The following NBEAL1 variants were observed in gnomAD, a reference collection of about 807,000 sequenced individuals.
NBEAL1 encodes the protein neurobeachin like 1, also known as neurobeachin-like protein 1.
NBEAL1 carries 273 observed loss-of-function variants against 351.3 expected under a neutral mutation model. The observed-to-expected ratio is 0.78, with a 90% CI of 0.70 to 0.86. The LOEUF is 0.86. Among genes scored for constraint, NBEAL1 ranks in the 40% least tolerant of loss-of-function variants. The pLI is 0.00. For missense variants in NBEAL1, 2,961 were observed against 3,201.3 expected (o/e 0.92, Z 1.81); for synonymous variants, 1,050 against 1,086.4 (o/e 0.97, Z 0.66).
In NBEAL1 at chr2:203,127,796, T is replaced by C. The variant is rs2062976194; in HGVS notation, c.3264T>C (p.Tyr1088=). The C allele has an allele frequency of 2.0e-6, 3 of 1,506,774 alleles. No individual in the cohort carries two copies. In the South Asian group the frequency reaches 3.6e-5, roughly 18 times the overall value. 93.3% of individuals were successfully genotyped at this position (1,506,774 alleles called of 1,614,324 possible). A position where few individuals can be genotyped will look rare whatever the true frequency, so the allele number is the denominator to read the frequency against. ...TGTCTTTCAGGAATGGTTGTAAATA[T>C]AATGAACTATCTCTAGATGATATTC... is the stretch of plus-strand genomic sequence containing the variant. The part of the protein sequence containing the change: ...LRIYYGNGCK[Y]NELSLDDIRT... The change falls in exon 24 of 56, where the codon TAT becomes TAC. Residue 1088 remains tyrosine, a synonymous_variant. Transcript: ENST00000683969.
intron 12 of NBEAL1, among the ~76,000 whole-genome samples, chr2:203,101,698 C>T (rs536982647): frequency 4.6e-5 from 7 of 152,150 alleles, no homozygotes; most frequent in East Asian, 3.9e-4. Context: ...CAGGTCCAAG[C>T]GATTCTCCTG....
Position 203,217,400 on chromosome 2 carries a change from G to T in NBEAL1, c.*46G>T. On this transcript the variant is annotated 3_prime_UTR_variant, in exon 56 of 56. Coordinates refer to ENST00000683969, the MANE Select transcript of NBEAL1 (RefSeq NM_001378026.1). ...TATGATTACTGAAACCTGATTTATT[G>T]CTTTGTCACTTTAACCACATCTCTC... The T allele has an allele frequency of 6.7e-7, 1 of 1,502,370 alleles. No individual in the cohort carries two copies. Among genetic ancestry groups the T allele is most frequent in the Non-Finnish European group, 8.9e-7 (1 of 1,121,276 alleles). The allele number at this position is 1,502,370 out of a possible 1,614,324, so 93.1% of individuals were successfully genotyped here.
chr2:203,112,921 G>A (rs2062604655), intron 16 of NBEAL1, 94 bp from the exon 17 acceptor site: 1 of 1,155,518 alleles, frequency 8.7e-7, no homozygotes, highest in East Asian at 2.8e-5. Context: ...GTATTTATTT[G>A]TGTAATTTTA....
intron 3 of NBEAL1, among the ~76,000 whole-genome samples, chr2:203,047,846 C>A (rs961508379): frequency 6.7e-6 from 1 of 150,172 alleles, no homozygotes; most frequent in African/African-American, 2.5e-5. Context: ...TGGGCTCAAG[C>A]GATCCTCCTG....
At position 203,016,365 on chromosome 2, in the gene NBEAL1, G is replaced by T; in HGVS notation, c.-20G>T. 1 of 1,463,208 alleles carries T rather than the reference G, an allele frequency of 6.8e-7. No individual in the cohort carries two copies. The highest frequency in any genetic ancestry group is 9.2e-7 in the Non-Finnish European group (1 of 1,089,742). The allele number at this position is 1,463,208 out of a possible 1,614,324, so 90.6% of individuals were successfully genotyped here. On this transcript the variant is annotated 5_prime_UTR_variant, in exon 2 of 56. Coordinates refer to ENST00000683969, the MANE Select transcript of NBEAL1 (RefSeq NM_001378026.1). ...ATAATTTTTTTAAGGAAAACTTAAAGTGCCAGAGTGAAAGCCAGAATGGCA... is the reference window on the plus strand; with the variant it reads ...ATAATTTTTTTAAGGAAAACTTAAATTGCCAGAGTGAAAGCCAGAATGGCA...
chr2:203,136,007 T>C lies in NBEAL1; in HGVS notation c.4144T>C (p.Leu1382=), dbSNP rs747963157. Residue 1382 remains leucine, a synonymous_variant, in exon 28 of 56, where the codon TTG becomes CTG. Coordinates refer to ENST00000683969, the MANE Select transcript of NBEAL1 (RefSeq NM_001378026.1). The part of the protein sequence containing the change: ...LFPEDSSVGE[L]SFKSENQEEF... ...TCCAGAAGATAGCTCTGTGGGAGAA[T>C]TGTCTTTCAAATCAGAGAATCAAGA... The C allele has an allele frequency of 1.5e-5, 24 of 1,613,558 alleles. No homozygotes were observed. The highest frequency in any genetic ancestry group is 1.9e-5 in the Non-Finnish European group (22 of 1,179,742).
At chr2:203,074,378 G>T (rs988227783) in intron 7 of NBEAL1, among the ~76,000 whole-genome samples, 28 of 144,498 alleles carry the variant, frequency 1.9e-4, no homozygotes, top group African/African-American at 7.3e-4. Context: ...AGGCTGGAGT[G>T]GTGCAGTGGC....
intron 10 of NBEAL1, among the ~76,000 whole-genome samples, chr2:203,095,271 G>A (rs1467299950): frequency 6.6e-6 from 1 of 152,028 alleles, no homozygotes; most frequent in Non-Finnish European, 1.5e-5. Context: ...TACAGTTACT[G>A]GGTTAAAGAA....
intron 43 of NBEAL1, 160 bp from the exon 44 acceptor site, chr2:203,183,119 G>A (rs376199596): frequency 3.2e-5 from 13 of 407,188 alleles, no homozygotes; most frequent in African/African-American, 4.1e-5. Context: ...TTTAAAACTC[G>A]TTATTTTTGT....
intron 12 of NBEAL1, among the ~76,000 whole-genome samples, chr2:203,104,452 T>C (rs192925513): frequency 3.3e-5 from 5 of 152,346 alleles, no homozygotes; most frequent in Admixed American, 3.3e-4. Flanking sequence ...GAGATGAGTC[T>C]CTTGAAGACA....
rs749553691 is a variant in NBEAL1 at position 203,054,573 on chromosome 2, CTCTTTT to C, written c.306-1835_306-1830del. ...ACGGGCATGAGCCACTACACCCAACCTCTTTTTCTTTTTCTTTTTCTTTTGCTCAAA... is the reference window on the plus strand; with the variant it reads ...ACGGGCATGAGCCACTACACCCAACCTCTTTTTCTTTTTCTTTTGCTCAAA... On this transcript the variant is annotated intron_variant, in intron 4 of 55. Coordinates refer to ENST00000683969, the MANE Select transcript of NBEAL1 (RefSeq NM_001378026.1). 1.1e-4 allele frequency among the ~76,000 whole-genome samples: 16 copies of C among 152,186 alleles called. No homozygotes were observed. In the East Asian group the frequency reaches 1.7e-3, roughly 17 times the overall value.
intron 23 of NBEAL1, among the ~76,000 whole-genome samples, chr2:203,127,387 AT>A (rs1226761854): frequency 1.3e-5 from 2 of 152,176 alleles, no homozygotes; most frequent in South Asian, 2.1e-4. Flanking sequence ...ACATGGAAAT[AT>A]TTTTTTAACA....
At chr2:203,015,604 G>T (rs532641058) in intron 1 of NBEAL1, among the ~76,000 whole-genome samples, 49 of 152,148 alleles carry the variant, frequency 3.2e-4, no homozygotes, top group Non-Finnish European at 5.7e-4. Flanking sequence ...GGGATTACAG[G>T]TGCCCGCCAC....
At chr2:203,151,686 T>G (rs1403012938) in intron 35 of NBEAL1, 97 bp downstream of exon 35, 1 of 1,181,596 alleles carries the variant, frequency 8.5e-7, no homozygotes, top group East Asian at 2.8e-5. Context: ...TGTTTACTTA[T>G]GAAGGAAGGG....
chr2:203,218,622 T>A lies in NBEAL1; in HGVS notation c.*1268T>A, dbSNP rs903075343. 6.6e-6 allele frequency: 1 copy of A among 152,196 alleles called. No homozygotes were observed. Among genetic ancestry groups the A allele is most frequent in the Non-Finnish European group, 1.5e-5 (1 of 68,028 alleles). The allele number at this position is 152,196 out of a possible 1,614,324, so 9.4% of individuals were successfully genotyped here. A position where few individuals can be genotyped will look rare whatever the true frequency, so the allele number is the denominator to read the frequency against. ...TTCCAGTAATAGTATTCTTTTTTGT[T>A]CCACAAATCATAGATGTCCTTAAAT... is the stretch of plus-strand genomic sequence containing the variant. On this transcript the variant is annotated 3_prime_UTR_variant, in exon 56 of 56. Coordinates refer to ENST00000683969, the MANE Select transcript of NBEAL1 (RefSeq NM_001378026.1).
At chr2:203,114,949 G>A (rs574256495) in intron 17 of NBEAL1, among the ~76,000 whole-genome samples, 18 of 151,666 alleles carry the variant, frequency 1.2e-4, no homozygotes, top group Admixed American at 1.1e-3. Context: ...ACAAGGTTTC[G>A]CCATGTTCGC....
At chr2:203,091,585 C>T (rs746233641) in intron 10 of NBEAL1, among the ~76,000 whole-genome samples, 7 of 151,976 alleles carry the variant, frequency 4.6e-5, no homozygotes, top group Non-Finnish European at 5.9e-5. Context: ...ACATTCATAC[C>T]AACAGTGCAC....
At chr2:203,158,956 A>C (rs1320688853) in intron 36 of NBEAL1, among the ~76,000 whole-genome samples, 1 of 150,750 alleles carries the variant, frequency 6.6e-6, no homozygotes, top group East Asian at 2.0e-4. Flanking sequence ...AGTAGCTGGG[A>C]CTATAGGCAC....
At chr2:203,126,750 T>G (rs2062945499) in intron 22 of NBEAL1, 34 bp downstream of exon 22, 13 of 1,516,912 alleles carry the variant, frequency 8.6e-6, no homozygotes, top group Non-Finnish European at 1.1e-5. Context: ...CATTTTATAG[T>G]TGTTTTAGAA....
Sources: allele counts gnomAD v4.1 joint callset (sites outside exome capture counted in the v4.1 genomes callset), GRCh38; gene constraint gnomAD v4.1.1; transcripts MANE v1.5; gene names NCBI Gene and HGNC (gene_info 2026-07-23, HGNC 2026-07-21).